Variants in TEAD1 observed in about 807,000 individuals in gnomAD.
The protein encoded by TEAD1 is transcriptional enhancer factor TEF-1.
Under a neutral mutation model 54.9 loss-of-function variants are expected in TEAD1, and 9 were observed. The ratio of observed to expected loss-of-function variants is 0.16; its 90% confidence interval spans 0.10 to 0.29. The LOEUF is 0.29. Among genes scored for constraint, TEAD1 ranks in the 10% least tolerant of loss-of-function variants. The probability of loss-of-function intolerance (pLI) is 1.00; values close to 1 mark genes in which losing one functional copy is unlikely to be tolerated. For missense variants in TEAD1, 387 were observed against 535.9 expected, an observed-to-expected ratio of 0.72 and a Z score of 2.74; for synonymous variants, 200 against 187.8, an observed-to-expected ratio of 1.07 and a Z score of -0.53.
chr11:12,795,403 A>G (rs890682817), intron 3 of TEAD1, among the ~76,000 whole-genome samples: 2 of 152,194 alleles, frequency 1.3e-5, no homozygotes, highest in African/African-American at 4.8e-5. Context: ...TAACACTTCA[A>G]CAAATCTTTT....
intron 3 of TEAD1, among the ~76,000 whole-genome samples, chr11:12,825,995 A>G (rs1292034608): frequency 6.6e-6 from 1 of 152,256 alleles, no homozygotes; most frequent in Non-Finnish European, 1.5e-5. Context: ...TTAAATTCTT[A>G]CCGCACACGG....
intron 11 of TEAD1, among the ~76,000 whole-genome samples, chr11:12,926,065 T>G (rs538911819): frequency 6.6e-6 from 1 of 152,310 alleles, no homozygotes; most frequent in South Asian, 2.1e-4. Flanking sequence ...GGTTGTATTT[T>G]TTAGTGTCTT....
chr11:12,841,347 A>T (rs1372003723), intron 3 of TEAD1, among the ~76,000 whole-genome samples: 3 of 152,210 alleles, frequency 2.0e-5, no homozygotes, highest in African/African-American at 2.4e-5. Flanking sequence ...CTACTGGCTT[A>T]AGAGAGTCTC....
Position 12,728,715 on chromosome 11 carries a change from A to C in TEAD1, c.-54-35464A>C, listed in dbSNP as rs560923857. Among the ~76,000 whole-genome samples the C allele has an allele frequency of 2.6e-5, 4 of 152,310 alleles. No individual in the cohort carries two copies. In the East Asian group the frequency reaches 7.7e-4, roughly 29 times the overall value. ...TTGACTTGCAAGCCTGTGGTTGATA[A>C]AATAAATACATTTTAAAAATGTAAA... is the stretch of plus-strand genomic sequence containing the variant. On this transcript the variant is annotated intron_variant, in intron 2 of 12. Coordinates refer to ENST00000527636, the MANE Select transcript of TEAD1 (RefSeq NM_021961.6).
intron 11 of TEAD1, among the ~76,000 whole-genome samples, chr11:12,926,564 A>C (rs560974490): frequency 1.3e-5 from 2 of 152,206 alleles, no homozygotes; most frequent in African/African-American, 4.8e-5. Context: ...GGAAATAGGC[A>C]ATGATTATAG....
At position 12,808,625 on chromosome 11, in the gene TEAD1, T is replaced by G. The variant is rs537475164; in HGVS notation, c.202+44191T>G. 7.2e-5 allele frequency among the ~76,000 whole-genome samples: 11 copies of G among 152,238 alleles called. No individual in the cohort carries two copies. In the East Asian group the frequency reaches 2.1e-3, roughly 29 times the overall value. ...CCACCCCTCCCCACTGCCCTCTATT[T>G]GTGGAGAGGTGGATGATTTTGCTAG... On this transcript the variant is annotated intron_variant, in intron 3 of 12. Coordinates refer to ENST00000527636, the MANE Select transcript of TEAD1 (RefSeq NM_021961.6).
chr11:12,836,793 G>T (rs918327991), intron 3 of TEAD1, among the ~76,000 whole-genome samples: 2 of 152,136 alleles, frequency 1.3e-5, no homozygotes, highest in African/African-American at 4.8e-5. Flanking sequence ...AGGTTATTTT[G>T]GTAAACTTTC....
intron 9 of TEAD1, among the ~76,000 whole-genome samples, chr11:12,888,298 C>T (rs1351712529): frequency 1.3e-5 from 2 of 152,198 alleles, no homozygotes. Flanking sequence ...CACTTGAGGC[C>T]AGAAGTTTAA....
At chr11:12,800,580 A>T (rs1257545916) in intron 3 of TEAD1, among the ~76,000 whole-genome samples, 1 of 152,184 alleles carries the variant, frequency 6.6e-6, no homozygotes, top group African/African-American at 2.4e-5. Context: ...TAAGGTGCTG[A>T]TTCAAGGTCA....
At chr11:12,696,252 C>G (rs1271585194) in intron 2 of TEAD1, among the ~76,000 whole-genome samples, 1 of 152,144 alleles carries the variant, frequency 6.6e-6, no homozygotes, top group African/African-American at 2.4e-5. Context: ...TAGATACTTT[C>G]TATAGTAGGA....
intron 11 of TEAD1, among the ~76,000 whole-genome samples, chr11:12,927,421 C>A (rs962528712): frequency 4.6e-5 from 7 of 152,168 alleles, no homozygotes; most frequent in African/African-American, 1.4e-4. Flanking sequence ...CTACGTATCC[C>A]AGTACCATGT....
chr11:12,923,945 A>G (rs1398607540), intron 10 of TEAD1, among the ~76,000 whole-genome samples: 1 of 152,224 alleles, frequency 6.6e-6, no homozygotes, highest in Non-Finnish European at 1.5e-5. Flanking sequence ...CAGTTTCCCC[A>G]GTGGACATTG....
intron 2 of TEAD1, among the ~76,000 whole-genome samples, chr11:12,692,973 T>C (rs1306453167): frequency 6.6e-6 from 1 of 152,198 alleles, no homozygotes; most frequent in Non-Finnish European, 1.5e-5. Flanking sequence ...CTGGGCTGTG[T>C]TGAAACCCAT....
At chr11:12,832,038 G>T (rs1946794650) in intron 3 of TEAD1, among the ~76,000 whole-genome samples, 1 of 152,056 alleles carries the variant, frequency 6.6e-6, no homozygotes, top group African/African-American at 2.4e-5. Flanking sequence ...TGAGTAAGTG[G>T]CAGACCTCAG....
chr11:12,823,821 A>T (rs1245205526), intron 3 of TEAD1, among the ~76,000 whole-genome samples: 1 of 152,190 alleles, frequency 6.6e-6, no homozygotes, highest in Admixed American at 6.5e-5. Context: ...CCAGGCACAG[A>T]GATTACAGAG....
At chr11:12,722,976 T>A (rs915320220) in intron 2 of TEAD1, among the ~76,000 whole-genome samples, 1 of 121,154 alleles carries the variant, frequency 8.3e-6, no homozygotes, top group African/African-American at 7.7e-5. Context: ...ACATCTAGAT[T>A]TTTTTTTTTC....
At chr11:12,799,210 T>C (rs1268059563) in intron 3 of TEAD1, among the ~76,000 whole-genome samples, 1 of 152,246 alleles carries the variant, frequency 6.6e-6, no homozygotes, top group African/African-American at 2.4e-5. Context: ...TTTACAAATA[T>C]TAACTTGTTT....
chr11:12,866,123 C>T (rs1158134958), intron 5 of TEAD1, among the ~76,000 whole-genome samples: 1 of 152,208 alleles, frequency 6.6e-6, no homozygotes, highest in African/African-American at 2.4e-5. Flanking sequence ...TGGCTTTTAG[C>T]TGCACTGGCT....
chr11:12,707,652 G>A (rs1590070389), intron 2 of TEAD1, among the ~76,000 whole-genome samples: 1 of 152,200 alleles, frequency 6.6e-6, no homozygotes, highest in Non-Finnish European at 1.5e-5. Context: ...GATAACACAG[G>A]AAAAGATAAA....
Sources: gnomAD v4.1 joint callset for allele counts (sites outside exome capture counted in the v4.1 genomes callset) on GRCh38, gnomAD v4.1.1 for gene constraint, MANE v1.5 for transcripts, NCBI Gene and HGNC (gene_info 2026-07-23, HGNC 2026-07-21) for gene names.